Variants in PAK2 observed in about 807,000 individuals in gnomAD.
The protein encoded by PAK2 is serine/threonine-protein kinase PAK 2.
A neutral mutation model predicts 65.9 loss-of-function variants in PAK2; 21 were observed. That is an observed-to-expected ratio of 0.32 (90% CI 0.23 to 0.46). The LOEUF is 0.46. PAK2 is among the 20% of genes least tolerant of loss of function. PAK2 has a pLI of 1.00. For missense variants in PAK2, 324 were observed against 642.6 expected (o/e 0.50, Z 5.36); for synonymous variants, 204 against 219.7 (o/e 0.93, Z 0.63).
intron 1 of PAK2, among the ~76,000 whole-genome samples, chr3:196,773,095 A>G (rs759096678): frequency 4.6e-5 from 7 of 152,118 alleles, no homozygotes; most frequent in Non-Finnish European, 8.8e-5. Flanking sequence ...TCAGCAGACA[A>G]TTGAGGAATT....
chr3:196,810,496 A>G (rs1453645677), intron 7 of PAK2, 94 bp from the exon 8 acceptor site: 2 of 746,004 alleles, frequency 2.7e-6, no homozygotes, highest in African/African-American at 3.5e-5. Flanking sequence ...AATCACTTAT[A>G]AAAACAGTGG....
At chr3:196,811,567 A>G (rs1577740966) in intron 8 of PAK2, among the ~76,000 whole-genome samples, 1 of 150,916 alleles carries the variant, frequency 6.6e-6, no homozygotes, top group African/African-American at 2.4e-5. Context: ...CCTAACAGCT[A>G]AATTCAATTG....
chr3:196,832,409 A>G lies in PAK2; in HGVS notation c.*4004A>G, dbSNP rs1712121401. The stretch of plus-strand genomic sequence containing the variant: ...TCCCGTTCAATTATTTAATTGTTAT[A>G]CATTGACATTAACTGCTGTATTTTG... On this transcript the variant is annotated 3_prime_UTR_variant, in exon 15 of 15. Transcript: ENST00000327134. 4 of 152,274 alleles carry G rather than the reference A, an allele frequency of 2.6e-5. No homozygotes were observed. The Middle Eastern group carries it at 0.01, about 388-fold the overall frequency. The allele number at this position is 152,274 out of a possible 1,614,324, so 9.4% of individuals were successfully genotyped here.
chr3:196,784,053 T>C (rs1318479001), intron 2 of PAK2, among the ~76,000 whole-genome samples: 1 of 152,190 alleles, frequency 6.6e-6, no homozygotes, highest in Non-Finnish European at 1.5e-5. Context: ...GCAAAGCTTC[T>C]CAAACTTCAG....
chr3:196,800,381 T>C (rs1462585831), intron 2 of PAK2, among the ~76,000 whole-genome samples: 1 of 151,934 alleles, frequency 6.6e-6, no homozygotes, highest in Non-Finnish European at 1.5e-5. Flanking sequence ...GACTCCCTGT[T>C]AAAAAAGAAA....
At position 196,787,970 on chromosome 3, in the gene PAK2, C is replaced by T. The variant is rs73074664; in HGVS notation, c.187+5137C>T. On this transcript the variant is annotated intron_variant, in intron 2 of 14. Transcript: ENST00000327134. Reference sequence around the variant, plus strand: ...CTCTGTTGCTCTCACTGGATTATCCCGTTCATCACCCTAGTGGTTGCCTCT... The same window carrying T: ...CTCTGTTGCTCTCACTGGATTATCCTGTTCATCACCCTAGTGGTTGCCTCT... 5.8e-3 allele frequency among the ~76,000 whole-genome samples: 887 copies of T among 152,348 alleles called. 8 individuals are homozygous for T. The highest frequency in any genetic ancestry group is 0.02 in the African/African-American group (845 of 41,586).
At chr3:196,742,408 T>C (rs1001648623) in intron 1 of PAK2, among the ~76,000 whole-genome samples, 3 of 152,184 alleles carry the variant, frequency 2.0e-5, no homozygotes, top group African/African-American at 7.2e-5. Context: ...TCAATTATAC[T>C]TTTTAAGAGA....
chr3:196,800,224 T>C (rs1715380292), intron 2 of PAK2, among the ~76,000 whole-genome samples: 1 of 151,894 alleles, frequency 6.6e-6, no homozygotes, highest in Admixed American at 6.6e-5. Flanking sequence ...CTACCAGAAA[T>C]TATAAAAATC....
In PAK2 at chr3:196,810,664, G is replaced by C. The variant is rs768761626; in HGVS notation, c.773+11G>C. On this transcript the variant is annotated intron_variant, in intron 8 of 14. Transcript: ENST00000327134. ...AAAAATTGGACAAGGGTAAGTATTT[G>C]TGACTGTATTACGATAATATTCAGT... The C allele has an allele frequency of 7.8e-7, 1 of 1,283,694 alleles. No homozygotes were observed. The highest frequency in any genetic ancestry group is 1.1e-6 in the Non-Finnish European group (1 of 880,056). 79.5% of individuals were successfully genotyped at this position (1,283,694 alleles called of 1,614,324 possible). A position where few individuals can be genotyped will look rare whatever the true frequency, so the allele number is the denominator to read the frequency against.
At chr3:196,783,771 A>G (rs1408253278) in intron 2 of PAK2, among the ~76,000 whole-genome samples, 1 of 152,070 alleles carries the variant, frequency 6.6e-6, no homozygotes. Context: ...AGTCACCCTC[A>G]AATATGTATG....
chr3:196,802,929 G>T, intron 3 of PAK2, 88 bp from the exon 4 acceptor site: 2 of 826,930 alleles, frequency 2.4e-6, no homozygotes, highest in Non-Finnish European at 3.6e-6. Context: ...AGATTGGTTT[G>T]TTTTGTGTAT....
At chr3:196,814,368 T>G (rs944544861) in intron 10 of PAK2, 83 bp from the exon 11 acceptor site, 16 of 635,010 alleles carry the variant, frequency 2.5e-5, no homozygotes, top group Non-Finnish European at 4.2e-5. Flanking sequence ...TTAGGGTGTT[T>G]AATATTTGAA....
At chr3:196,770,364 T>C (rs1047862726) in intron 1 of PAK2, among the ~76,000 whole-genome samples, 2 of 151,926 alleles carry the variant, frequency 1.3e-5, no homozygotes, top group African/African-American at 4.9e-5. Flanking sequence ...CAGAATTTCA[T>C]TCCTGAGCCA....
At chr3:196,804,433 A>G (rs1015503995) in intron 4 of PAK2, among the ~76,000 whole-genome samples, 2 of 151,956 alleles carry the variant, frequency 1.3e-5, no homozygotes, top group Admixed American at 6.5e-5. Context: ...GTACACATAC[A>G]TACATATATG....
At chr3:196,795,900 G>A (rs562824302) in intron 2 of PAK2, among the ~76,000 whole-genome samples, 20 of 152,152 alleles carry the variant, frequency 1.3e-4, no homozygotes, top group African/African-American at 2.2e-4. Context: ...GATTGGTTTC[G>A]CGGAAGGTAG....
Position 196,829,778 on chromosome 3 carries a change from A to G in PAK2, c.*1373A>G, listed in dbSNP as rs1234515945. 2 of 152,384 alleles carry G rather than the reference A, an allele frequency of 1.3e-5. No homozygotes were observed. The highest frequency in any genetic ancestry group is 1.9e-4 in the East Asian group (1 of 5,192). The allele number at this position is 152,384 out of a possible 1,614,324, so 9.4% of individuals were successfully genotyped here. On this transcript the variant is annotated 3_prime_UTR_variant, in exon 15 of 15. Transcript: ENST00000327134. ...TTGTTTTTTCAAATAAGTAGAGACTATTGTAAAAAACGAGAAAGGAAAATG... is the reference window on the plus strand; with the variant it reads ...TTGTTTTTTCAAATAAGTAGAGACTGTTGTAAAAAACGAGAAAGGAAAATG...
chr3:196,754,345 T>G (rs1445697318), intron 1 of PAK2, among the ~76,000 whole-genome samples: 1 of 152,234 alleles, frequency 6.6e-6, no homozygotes, highest in African/African-American at 2.4e-5. Flanking sequence ...TGTTATGTCC[T>G]GTCTCATGTG....
chr3:196,741,424 A>G (rs1713188285), intron 1 of PAK2, among the ~76,000 whole-genome samples: 1 of 152,224 alleles, frequency 6.6e-6, no homozygotes. Flanking sequence ...GCTCGTGTAT[A>G]TATGAAGAGC....
chr3:196,742,249 C>T (rs1190624759), intron 1 of PAK2, among the ~76,000 whole-genome samples: 1 of 152,010 alleles, frequency 6.6e-6, no homozygotes, highest in Admixed American at 6.5e-5. Flanking sequence ...CCACCACGCG[C>T]GGCTAATTTT....
Sources: gnomAD v4.1 joint callset for allele counts (sites outside exome capture counted in the v4.1 genomes callset) on GRCh38, gnomAD v4.1.1 for gene constraint, MANE v1.5 for transcripts, NCBI Gene and HGNC (gene_info 2026-07-23, HGNC 2026-07-21) for gene names.